The following GPC5 variants were observed in gnomAD, a reference collection of about 807,000 sequenced individuals.
The protein encoded by GPC5 is glypican 5, also known as glypican-5.
A neutral mutation model predicts 53.9 loss-of-function variants in GPC5; 47 were observed. The observed-to-expected ratio is 0.87, with a 90% CI of 0.69 to 1.11. GPC5 has a LOEUF of 1.11. GPC5 is among the 50% of genes most tolerant of loss of function. The pLI, the probability that GPC5 is intolerant of heterozygous loss-of-function variation, is 0.00. For synonymous variants in GPC5, 286 were observed against 263.3 expected, an observed-to-expected ratio of 1.09 and a Z score of -0.84; for missense variants, 748 against 713.1, an observed-to-expected ratio of 1.05 and a Z score of -0.56.
At chr13:91,910,940 A>G (rs1389165646) in intron 6 of GPC5, among the ~76,000 whole-genome samples, 1 of 152,144 alleles carries the variant, frequency 6.6e-6, no homozygotes, top group African/African-American at 2.4e-5. Context: ...TGAGGTAGGG[A>G]AAGATATTTA....
chr13:92,855,714 C>T (rs979324945), intron 7 of GPC5, among the ~76,000 whole-genome samples: 2 of 151,714 alleles, frequency 1.3e-5, no homozygotes, highest in Non-Finnish European at 2.9e-5. Flanking sequence ...TCAAAGACCA[C>T]TATGAACATC....
At chr13:92,259,610 T>C (rs1206574240) in intron 7 of GPC5, among the ~76,000 whole-genome samples, 1 of 152,156 alleles carries the variant, frequency 6.6e-6, no homozygotes. Flanking sequence ...TTACTAATCA[T>C]TGGTAACTAA....
At chr13:92,861,546 A>G (rs1055231974) in intron 7 of GPC5, among the ~76,000 whole-genome samples, 3 of 152,024 alleles carry the variant, frequency 2.0e-5, no homozygotes, top group Non-Finnish European at 2.9e-5. Context: ...TTCTTTCACC[A>G]TTTCTCTACA....
At chr13:91,964,923 G>A (rs1566367198) in intron 6 of GPC5, among the ~76,000 whole-genome samples, 4 of 152,072 alleles carry the variant, frequency 2.6e-5, no homozygotes, top group Admixed American at 1.3e-4. Flanking sequence ...ATGATTTCAT[G>A]TCCTTTGTAG....
intron 6 of GPC5, among the ~76,000 whole-genome samples, chr13:91,952,689 G>T (rs773712509): frequency 1.4e-4 from 21 of 151,968 alleles, no homozygotes; most frequent in South Asian, 6.2e-4. Flanking sequence ...CAGGTCTACA[G>T]GTTCAAAAGC....
Position 91,530,371 on chromosome 13 carries a change from C to G in GPC5, c.325+81449C>G, listed in dbSNP as rs995297988. 2.6e-5 allele frequency among the ~76,000 whole-genome samples: 4 copies of G among 152,262 alleles called. No homozygotes were observed. The South Asian group carries it at 8.3e-4, about 32-fold the overall frequency. ...TGAGCCATAGTGAGATAATTTACAC[C>G]ATGACCAGCAGATGCTATAATAAAT... On this transcript the variant is annotated intron_variant, in intron 2 of 7. Coordinates refer to ENST00000377067, the MANE Select transcript of GPC5 (RefSeq NM_004466.6).
At chr13:91,493,864 TA>T (rs2139264551) in intron 2 of GPC5, among the ~76,000 whole-genome samples, 1 of 151,680 alleles carries the variant, frequency 6.6e-6, no homozygotes, top group East Asian at 1.9e-4. Flanking sequence ...CTGTATCTGT[TA>T]TATGCTGCAT....
At chr13:91,599,917 A>G (rs548863358) in intron 2 of GPC5, among the ~76,000 whole-genome samples, 4 of 152,180 alleles carry the variant, frequency 2.6e-5, no homozygotes, top group African/African-American at 9.6e-5. Context: ...GCATGTATAC[A>G]TAGTTAAGAG....
intron 1 of GPC5, among the ~76,000 whole-genome samples, chr13:91,448,084 T>A (rs748026241): frequency 2.6e-5 from 4 of 152,212 alleles, no homozygotes; most frequent in Non-Finnish European, 5.9e-5. Context: ...CATATATTAA[T>A]AACTTTACAT....
chr13:92,292,184 C>T (rs1594074909), intron 7 of GPC5, among the ~76,000 whole-genome samples: 1 of 152,184 alleles, frequency 6.6e-6, no homozygotes, highest in Non-Finnish European at 1.5e-5. Flanking sequence ...GACTTCTTTT[C>T]CTCTAAGTAG....
chr13:92,353,237 G>C (rs1566552663), intron 7 of GPC5, among the ~76,000 whole-genome samples: 1 of 137,086 alleles, frequency 7.3e-6, no homozygotes, highest in Non-Finnish European at 1.5e-5. Flanking sequence ...TCCGCAGTCT[G>C]GCCTGGGCGA....
intron 2 of GPC5, among the ~76,000 whole-genome samples, chr13:91,516,525 C>T (rs550423930): frequency 2.6e-5 from 4 of 152,306 alleles, no homozygotes; most frequent in South Asian, 4.1e-4. Flanking sequence ...TTGCAGGGTA[C>T]AGCCTCTCTC....
At chr13:92,363,550 C>A (rs1225066808) in intron 7 of GPC5, among the ~76,000 whole-genome samples, 2 of 151,774 alleles carry the variant, frequency 1.3e-5, no homozygotes, top group African/African-American at 4.9e-5. Flanking sequence ...TGCTGCTGAT[C>A]TAACATGAGG....
intron 7 of GPC5, among the ~76,000 whole-genome samples, chr13:92,520,049 G>A (rs1300416947): frequency 6.6e-6 from 1 of 152,044 alleles, no homozygotes; most frequent in Non-Finnish European, 1.5e-5. Flanking sequence ...TAAATTCCTG[G>A]ACACATACAC....
intron 7 of GPC5, among the ~76,000 whole-genome samples, chr13:92,483,835 T>C (rs1879449978): frequency 6.6e-6 from 1 of 152,016 alleles, no homozygotes; most frequent in African/African-American, 2.4e-5. Context: ...AAACACACAT[T>C]AACCTAGTCT....
chr13:91,427,007 G>A (rs542636876), intron 1 of GPC5, among the ~76,000 whole-genome samples: 6 of 152,324 alleles, frequency 3.9e-5, no homozygotes, highest in African/African-American at 1.4e-4. Flanking sequence ...TTGGACCCGT[G>A]GATGGGAAGT....
intron 6 of GPC5, among the ~76,000 whole-genome samples, chr13:91,989,292 C>T (rs9301769): frequency 0.61 from 92,057 of 152,072 alleles, 28,558 homozygotes; most frequent in East Asian, 0.75. Flanking sequence ...TAGTCTATGT[C>T]CTTTAGACTT....
intron 6 of GPC5, among the ~76,000 whole-genome samples, chr13:92,060,175 T>C (rs1263943348): frequency 6.6e-6 from 1 of 151,904 alleles, no homozygotes; most frequent in Non-Finnish European, 1.5e-5. Context: ...AGCATCAAAG[T>C]CCTATACAAA....
chr13:91,526,133 G>T (rs550610105), intron 2 of GPC5, among the ~76,000 whole-genome samples: 4 of 152,144 alleles, frequency 2.6e-5, no homozygotes, highest in African/African-American at 9.7e-5. Context: ...TTCCAAATAC[G>T]ATCTGAATTT....
Sources: allele counts gnomAD v4.1 joint callset (sites outside exome capture counted in the v4.1 genomes callset), GRCh38; gene constraint gnomAD v4.1.1; transcripts MANE v1.5; gene names NCBI Gene and HGNC (gene_info 2026-07-23, HGNC 2026-07-21).